Variants in SS18 observed in about 807,000 individuals in gnomAD.
SS18 encodes the protein protein SSXT.
Under a neutral mutation model 72.5 loss-of-function variants are expected in SS18, and 28 were observed. That is an observed-to-expected ratio of 0.39 (90% CI 0.29 to 0.53). The LOEUF (loss-of-function observed/expected upper bound fraction) is 0.53, where lower values mean the gene tolerates loss of function less well. SS18 is among the 20% of genes least tolerant of loss of function. The probability of loss-of-function intolerance (pLI) is 0.76; values close to 1 mark genes in which losing one functional copy is unlikely to be tolerated. For synonymous variants in SS18, 172 were observed against 164.2 expected (o/e 1.05, Z -0.37); for missense variants, 518 against 535.3 (o/e 0.97, Z 0.32).
At chr18:26,071,316 A>C (rs533827764) in intron 3 of SS18, among the ~76,000 whole-genome samples, 19 of 152,324 alleles carry the variant, frequency 1.2e-4, no homozygotes, top group African/African-American at 4.6e-4. Context: ...AAATTTAAGA[A>C]AACAGAAATC....
intron 5 of SS18, among the ~76,000 whole-genome samples, chr18:26,048,982 G>C (rs934460687): frequency 6.6e-6 from 1 of 152,116 alleles, no homozygotes; most frequent in Admixed American, 6.5e-5. Context: ...ATCTTACTTA[G>C]AGAAATTAAG....
chr18:26,083,589 T>G (rs1427803427), intron 2 of SS18, among the ~76,000 whole-genome samples: 2 of 152,166 alleles, frequency 1.3e-5, no homozygotes, highest in Non-Finnish European at 2.9e-5. Context: ...TGAATACTGT[T>G]GGCTGTACTG....
intron 7 of SS18, 39 bp downstream of exon 7, chr18:26,038,516 G>T: frequency 6.6e-7 from 1 of 1,526,382 alleles, no homozygotes; most frequent in Non-Finnish European, 9.1e-7. Context: ...ATATTAGGCA[G>T]GGATAGAAAA....
chr18:26,084,214 T>C (rs910895665), intron 2 of SS18: 10 of 152,118 alleles, frequency 6.6e-5, no homozygotes, highest in Non-Finnish European at 1.0e-4. Flanking sequence ...AAGTAAGAGA[T>C]TATAACCTAG....
intron 2 of SS18, chr18:26,084,129 T>G (rs555737229): frequency 2.6e-5 from 4 of 151,974 alleles, no homozygotes; most frequent in Non-Finnish European, 5.9e-5. Flanking sequence ...CAAAAAATAA[T>G]GAAGACATAT....
intron 3 of SS18, among the ~76,000 whole-genome samples, chr18:26,066,327 G>A (rs936836698): frequency 1.3e-5 from 2 of 152,122 alleles, no homozygotes; most frequent in African/African-American, 4.8e-5. Context: ...TCAGGAGGCA[G>A]TATCATTCTG....
At chr18:26,039,577 T>A in intron 5 of SS18, 121 bp from the exon 6 acceptor site, 1 of 823,930 alleles carries the variant, frequency 1.2e-6, no homozygotes, top group Non-Finnish European at 1.7e-6. Flanking sequence ...CAGTAAAAAC[T>A]GATTTCAAAT....
intron 10 of SS18, among the ~76,000 whole-genome samples, chr18:26,028,522 C>T (rs1598530795): frequency 6.6e-6 from 1 of 152,322 alleles, no homozygotes; most frequent in East Asian, 1.9e-4. Context: ...AGTACTGTGT[C>T]TGTAAACCCA....
intron 4 of SS18, among the ~76,000 whole-genome samples, chr18:26,053,798 T>C (rs2053965117): frequency 6.6e-6 from 1 of 152,206 alleles, no homozygotes; most frequent in Non-Finnish European, 1.5e-5. Context: ...AAAAGTTCGA[T>C]CTAACTATAT....
rs374190422 is a variant in SS18 at position 26,058,216 on chromosome 18, G to T, written c.232-474C>A. Among the ~76,000 whole-genome samples the T allele has an allele frequency of 5.3e-3, 813 of 152,264 alleles. 12 individuals are homozygous for T. Among genetic ancestry groups the T allele is most frequent in the African/African-American group, 0.019 (782 of 41,548 alleles). ...GCAGCAGAGGAATGTTTTAAAACAT[G>T]AAGACAACAGTTCAACATTTTTGTG... On this transcript the variant is annotated intron_variant, in intron 3 of 10. Transcript: ENST00000415083.
intron 5 of SS18, among the ~76,000 whole-genome samples, chr18:26,043,455 A>G (rs1287414018): frequency 6.6e-6 from 1 of 152,190 alleles, no homozygotes; most frequent in African/African-American, 2.4e-5. Context: ...TTTACTGCTT[A>G]CATTTTACTA....
chr18:26,051,352 C>G (rs1470753015), intron 5 of SS18, among the ~76,000 whole-genome samples: 1 of 152,128 alleles, frequency 6.6e-6, no homozygotes, highest in Non-Finnish European at 1.5e-5. Flanking sequence ...CTAAAAACAC[C>G]TCAATACTTT....
At chr18:26,068,061 G>A (rs2069258251) in intron 3 of SS18, among the ~76,000 whole-genome samples, 1 of 152,122 alleles carries the variant, frequency 6.6e-6, no homozygotes, top group Non-Finnish European at 1.5e-5. Flanking sequence ...AGGCGGTAAT[G>A]CTCTCTCACC....
At chr18:26,031,694 G>C (rs1010359325) in intron 10 of SS18, among the ~76,000 whole-genome samples, 6 of 152,136 alleles carry the variant, frequency 3.9e-5, no homozygotes, top group African/African-American at 1.4e-4. Context: ...AGTCATCCTA[G>C]GATGAGATAC....
chr18:26,028,587 A>C lies in SS18; in HGVS notation c.1230+3812T>G, dbSNP rs192261085. ...GCCATATAATGGAACACTACTTAGC[A>C]ATAAACAATTACTGGCACAAACAAC... On this transcript the variant is annotated intron_variant, in intron 10 of 10. Coordinates refer to ENST00000415083, the MANE Select transcript of SS18 (RefSeq NM_001007559.3). Among the ~76,000 whole-genome samples the C allele has an allele frequency of 9.7e-4, 148 of 152,364 alleles. 1 individual carries two copies. The highest frequency in any genetic ancestry group is 3.4e-3 in the African/African-American group (140 of 41,588).
chr18:26,060,379 C>T (rs1935500101), intron 3 of SS18, among the ~76,000 whole-genome samples: 1 of 151,922 alleles, frequency 6.6e-6, no homozygotes, highest in South Asian at 2.1e-4. Context: ...TTTGCTGTTG[C>T]CAGGGGATGG....
At chr18:26,048,072 A>G (rs1327540727) in intron 5 of SS18, among the ~76,000 whole-genome samples, 1 of 152,242 alleles carries the variant, frequency 6.6e-6, no homozygotes, top group East Asian at 1.9e-4. Context: ...TGAAGAAATT[A>G]AGTTTACAGT....
intron 4 of SS18, 152 bp downstream of exon 4, chr18:26,057,437 C>A (rs984695780): frequency 2.4e-6 from 2 of 832,580 alleles, no homozygotes; most frequent in Non-Finnish European, 3.8e-6. Flanking sequence ...ATACAGGTCA[C>A]GTAGCTCTGT....
intron 3 of SS18, among the ~76,000 whole-genome samples, chr18:26,073,042 A>AT (rs771244497): frequency 6.6e-6 from 1 of 151,852 alleles, no homozygotes; most frequent in Non-Finnish European, 1.5e-5. Context: ...AACAATACAT[A>AT]TTTTTTTTAA....
Sources: gnomAD v4.1 joint callset for allele counts (sites outside exome capture counted in the v4.1 genomes callset) on GRCh38, gnomAD v4.1.1 for gene constraint, MANE v1.5 for transcripts, NCBI Gene and HGNC (gene_info 2026-07-23, HGNC 2026-07-21) for gene names.